Variants in ARHGAP39 observed in about 807,000 individuals in gnomAD.
ARHGAP39 encodes Rho GTPase activating protein 39, also known as rho GTPase-activating protein 39.
Under a neutral mutation model 106.9 loss-of-function variants are expected in ARHGAP39, and 44 were observed. That is an observed-to-expected ratio of 0.41 (90% confidence interval 0.32 to 0.53). The LOEUF (loss-of-function observed/expected upper bound fraction) is 0.53. ARHGAP39 is among the 20% of genes least tolerant of loss of function. The probability of loss-of-function intolerance (pLI) is 0.21; values close to 1 mark genes in which losing one functional copy is unlikely to be tolerated. For synonymous variants in ARHGAP39, 768 were observed against 693.2 expected (o/e 1.11, Z -1.69); for missense variants, 1,496 against 1,577.3 (o/e 0.95, Z 0.87).
At chr8:144,530,917 C>A in intron 10 of ARHGAP39, 46 bp from the exon 11 acceptor site, 2 of 1,574,430 alleles carry the variant, frequency 1.3e-6, no homozygotes, top group Non-Finnish European at 1.7e-6. Flanking sequence ...GGCGGGCACC[C>A]CTGGGCCAAA....
At chr8:144,602,231 GCA>G (rs538198966) in intron 2 of ARHGAP39, among the ~76,000 whole-genome samples, 4 of 131,582 alleles carry the variant, frequency 3.0e-5, no homozygotes, top group East Asian at 5.0e-4. Flanking sequence ...GTACCTGTGT[GCA>G]TGTGCGTGGA....
intron 6 of ARHGAP39, 72 bp downstream of exon 6, chr8:144,545,177 C>T: frequency 7.4e-7 from 1 of 1,348,614 alleles, no homozygotes. Context: ...TCACCAGCTG[C>T]CGCCCAGCAC....
intron 3 of ARHGAP39, among the ~76,000 whole-genome samples, chr8:144,563,538 A>G (rs552545535): frequency 6.6e-6 from 1 of 152,156 alleles, no homozygotes; most frequent in African/African-American, 2.4e-5. Flanking sequence ...TAAAATCCCA[A>G]TGCTTTAGGG....
At chr8:144,536,955 G>A (rs930787459) in intron 7 of ARHGAP39, among the ~76,000 whole-genome samples, 1 of 152,214 alleles carries the variant, frequency 6.6e-6, no homozygotes, top group African/African-American at 2.4e-5. Context: ...AGGTGGTGGC[G>A]GAGCTCTAGA....
intron 4 of ARHGAP39, among the ~76,000 whole-genome samples, chr8:144,550,325 TGTG>T (rs1817646204): frequency 6.6e-6 from 1 of 151,040 alleles, no homozygotes; most frequent in Admixed American, 6.6e-5. Context: ...TTTGGCCAGG[TGTG>T]GTGGCTCACA....
intron 1 of ARHGAP39, among the ~76,000 whole-genome samples, chr8:144,636,406 C>A (rs1821173814): frequency 6.6e-6 from 1 of 152,080 alleles, no homozygotes; most frequent in South Asian, 2.1e-4. Flanking sequence ...TACTGAGGGA[C>A]TAGGGGGAGG....
chr8:144,566,809 C>T (rs1818413427), intron 3 of ARHGAP39, among the ~76,000 whole-genome samples: 5 of 150,238 alleles, frequency 3.3e-5, no homozygotes, highest in East Asian at 1.9e-4. Context: ...GAGCCGAGAT[C>T]GTGCCACTGC....
chr8:144,602,370 T>G (rs559041722), intron 2 of ARHGAP39, among the ~76,000 whole-genome samples: 11 of 137,122 alleles, frequency 8.0e-5, no homozygotes, highest in Non-Finnish European at 1.4e-4. Flanking sequence ...GAGGTGTGTG[T>G]GCGAGCTCAT....
intron 1 of ARHGAP39, among the ~76,000 whole-genome samples, chr8:144,677,565 A>G (rs571970638): frequency 6.6e-6 from 1 of 152,352 alleles, no homozygotes; most frequent in South Asian, 2.1e-4. Context: ...ACCTCCATAC[A>G]GCCAAATACA....
chr8:144,632,100 A>G (rs1821076185), intron 1 of ARHGAP39, among the ~76,000 whole-genome samples: 1 of 152,190 alleles, frequency 6.6e-6, no homozygotes, highest in Non-Finnish European at 1.5e-5. Context: ...TCTGACCTCC[A>G]AAGTGCTGAT....
chr8:144,589,969 G>A (rs1158806384), intron 2 of ARHGAP39, among the ~76,000 whole-genome samples: 3 of 152,204 alleles, frequency 2.0e-5, no homozygotes, highest in Admixed American at 6.5e-5. Flanking sequence ...CTGCTGCCTC[G>A]GGGCCCACGA....
At chr8:144,546,613 A>G (rs557239536) in intron 5 of ARHGAP39, among the ~76,000 whole-genome samples, 8 of 152,354 alleles carry the variant, frequency 5.3e-5, no homozygotes, top group African/African-American at 1.4e-4. Context: ...CATCAGCTCC[A>G]GGAGCCAGAT....
In ARHGAP39 at chr8:144,547,789, G is replaced by T; in HGVS notation, c.1297C>A (p.Pro433Thr). ...AGGCGCTGGTCCCTCAGCAGGCAGG[G>T]GCTGGGCTGCAAGGAGTACGAACCA... Reference protein sequence around the residue: ...GGGSYSLQPSPCLLRDQRLGV... With the variant: ...GGGSYSLQPSTCLLRDQRLGV... The change falls in exon 5 of 12, where the codon CCC becomes ACC. Residue 433 changes from proline (P) to threonine (T), a missense_variant. Physicochemically the swap from Pro to Thr is conservative, Grantham distance 38. This residue lies in a region of ARHGAP39 where 905 missense variants were observed against 816.4 expected (regional missense o/e 1.11). Coordinates refer to ENST00000377307, the MANE Select transcript of ARHGAP39 (RefSeq NM_025251.3). The surrounding 1 kb of genome is among the most constrained non-coding windows in gnomAD (Gnocchi z 5.2). 4.4e-6 allele frequency: 7 copies of T among 1,596,694 alleles called. No homozygotes were observed. Among genetic ancestry groups the T allele is most frequent in the Non-Finnish European group, 6.0e-6 (7 of 1,176,020 alleles).
rs555499437 is a variant in ARHGAP39 at position 144,530,941 on chromosome 8, C to T, written c.2981-70G>A. 6.5e-4 allele frequency: 988 copies of T among 1,524,622 alleles called. 2 individuals are homozygous for T. Among genetic ancestry groups the T allele is most frequent in the Non-Finnish European group, 7.8e-4 (883 of 1,135,522 alleles). 94.4% of individuals were successfully genotyped at this position (1,524,622 alleles called of 1,614,324 possible). On this transcript the variant is annotated intron_variant, in intron 10 of 11. Coordinates refer to ENST00000377307, the MANE Select transcript of ARHGAP39 (RefSeq NM_025251.3). Reference sequence around the variant, plus strand: ...CCCTGGGCCAAATGGGGTCCCGTGGCGGACATGCATGGAGGGGTGCTGTGG... The same window carrying T: ...CCCTGGGCCAAATGGGGTCCCGTGGTGGACATGCATGGAGGGGTGCTGTGG...
At chr8:144,583,371 C>T (rs1036727852) in intron 2 of ARHGAP39, among the ~76,000 whole-genome samples, 3 of 152,240 alleles carry the variant, frequency 2.0e-5, no homozygotes, top group Non-Finnish European at 1.5e-5. Context: ...GAAACCGCAA[C>T]AGGAAGTGGC....
Position 144,627,562 on chromosome 8 carries a change from A to AAAAG in ARHGAP39, c.-81-21868_-81-21867insCTTT, listed in dbSNP as rs1364963609. Among the ~76,000 whole-genome samples the AAAAG allele has an allele frequency of 1.6e-4, 24 of 150,560 alleles. 1 individual carries two copies. Among genetic ancestry groups the AAAAG allele is most frequent in the Non-Finnish European group, 3.3e-4 (22 of 67,610 alleles). ...AGAGTGAGACTCCATCTCAAAAAAA[A>AAAAG]AAAAAAAAAGAAAGGAAGGAGGTTC... On this transcript the variant is annotated intron_variant, in intron 1 of 11. Coordinates refer to ENST00000377307, the MANE Select transcript of ARHGAP39 (RefSeq NM_025251.3).
At chr8:144,616,874 C>T (rs1182069677) in intron 1 of ARHGAP39, among the ~76,000 whole-genome samples, 2 of 152,180 alleles carry the variant, frequency 1.3e-5, no homozygotes, top group Admixed American at 6.5e-5. Flanking sequence ...ATGCCCAATG[C>T]CCAGTGAATC....
chr8:144,572,972 C>G (rs1163602781), intron 3 of ARHGAP39, among the ~76,000 whole-genome samples: 1 of 152,166 alleles, frequency 6.6e-6, no homozygotes, highest in Non-Finnish European at 1.5e-5. Flanking sequence ...CAGGAAACAA[C>G]AGGTGCTGGA....
intron 1 of ARHGAP39, among the ~76,000 whole-genome samples, chr8:144,618,010 T>G: frequency 6.6e-6 from 1 of 152,102 alleles, no homozygotes; most frequent in East Asian, 1.9e-4. Context: ...TTGAACTTCC[T>G]GGCTCAAGGG....
Sources: gnomAD v4.1 joint callset for allele counts (sites outside exome capture counted in the v4.1 genomes callset) on GRCh38, gnomAD v4.1.1 for gene constraint, gnomAD v4.1.1 regional missense constraint, Gnocchi (gnomAD v3.1) non-coding constraint, MANE v1.5 for transcripts, NCBI Gene and HGNC (gene_info 2026-07-23, HGNC 2026-07-21) for gene names.